Variants in ANAPC10 observed in about 807,000 individuals in gnomAD.
ANAPC10 encodes anaphase promoting complex subunit 10.
A neutral mutation model predicts 22.0 loss-of-function variants in ANAPC10; 12 were observed. That is an observed-to-expected ratio of 0.55 (90% CI 0.35 to 0.88). The LOEUF (loss-of-function observed/expected upper bound fraction) is 0.88. Ranked by LOEUF, ANAPC10 falls within the 40% of genes least tolerant of loss-of-function variation. ANAPC10 has a pLI of 0.01. For missense variants in ANAPC10, 188 were observed against 220.9 expected, an observed-to-expected ratio of 0.85 and a Z score of 0.94; for synonymous variants, 65 against 69.5, an observed-to-expected ratio of 0.94 and a Z score of 0.32.
At chr4:145,097,457 T>C (rs999450834) in intron 1 of ANAPC10, 6 of 1,283,480 alleles carry the variant, frequency 4.7e-6, no homozygotes, top group Non-Finnish European at 6.1e-6. Flanking sequence ...AACATTGTTA[T>C]ATATGCTATT....
At chr4:145,075,021 C>G (rs1251299364) in intron 3 of ANAPC10, among the ~76,000 whole-genome samples, 1 of 152,006 alleles carries the variant, frequency 6.6e-6, no homozygotes, top group Admixed American at 6.6e-5. Context: ...TGGCTTCAAT[C>G]CCCTATTCTG....
chr4:145,096,160 T>C, intron 1 of ANAPC10, 49 bp from the exon 2 acceptor site: 1 of 1,576,444 alleles, frequency 6.3e-7, no homozygotes, highest in Non-Finnish European at 8.6e-7. Flanking sequence ...CTGGGCATCT[T>C]TCTACAAAAG....
intron 4 of ANAPC10, among the ~76,000 whole-genome samples, chr4:145,030,604 T>C (rs1045427377): frequency 2.0e-5 from 3 of 152,148 alleles, no homozygotes; most frequent in African/African-American, 7.2e-5. Context: ...CTGGGTCCAG[T>C]GGGTCCCCAG....
At chr4:145,073,598 A>G (rs1004244501) in intron 3 of ANAPC10, among the ~76,000 whole-genome samples, 2 of 152,148 alleles carry the variant, frequency 1.3e-5, no homozygotes, top group African/African-American at 4.8e-5. Flanking sequence ...AAAGTGCTTT[A>G]CATGACAATG....
chr4:145,002,064 C>A (rs1201411419), intron 4 of ANAPC10, among the ~76,000 whole-genome samples: 1 of 152,184 alleles, frequency 6.6e-6, no homozygotes, highest in Non-Finnish European at 1.5e-5. Context: ...TTTCTCCCTA[C>A]TCTCACTACT....
rs747417617 is a variant in ANAPC10, at chr4:145,064,674, CTTCACTG to C, written c.218_224del (p.Thr73ArgfsTer24). ...TGTAGTCTGCATAAATACATAATGT[CTTCACTG>C]TTGTTTTTCTTCTAAAAGCAATAAA... is the stretch of plus-strand genomic sequence containing the variant. On this transcript the variant is annotated frameshift_variant, in exon 4 of 5. Transcript: ENST00000507656. LOFTEE classifies it high-confidence loss of function. 6.5e-6 allele frequency: 10 copies of C among 1,543,082 alleles called. No individual in the cohort carries two copies. The highest frequency in any genetic ancestry group is 8.8e-6 in the Non-Finnish European group (10 of 1,142,008).
At chr4:145,093,302 A>C (rs1747972201) in intron 2 of ANAPC10, among the ~76,000 whole-genome samples, 1 of 152,238 alleles carries the variant, frequency 6.6e-6, no homozygotes, top group Non-Finnish European at 1.5e-5. Flanking sequence ...CCATAGCAAT[A>C]ACAAAACTCA....
chr4:144,994,811 A>G lies in ANAPC10; in HGVS notation c.*562T>C, dbSNP rs1181858218. On this transcript the variant is annotated 3_prime_UTR_variant, in exon 5 of 5. Coordinates refer to ENST00000507656, the MANE Select transcript of ANAPC10 (RefSeq NM_001256706.2). ...TAAGTATTCCGTGAAGGTGAATATG[A>G]GACAATTAATTATACTCCCCATATT... is the stretch of plus-strand genomic sequence containing the variant. 1 of 152,272 alleles carries G rather than the reference A, an allele frequency of 6.6e-6. No homozygotes were observed. Among genetic ancestry groups the G allele is most frequent in the African/African-American group, 2.4e-5 (1 of 41,452 alleles). The allele number at this position is 152,272 out of a possible 1,614,324, so 9.4% of individuals were successfully genotyped here.
chr4:145,016,806 AAAT>A (rs970322751), intron 4 of ANAPC10, among the ~76,000 whole-genome samples: 65 of 152,328 alleles, frequency 4.3e-4, no homozygotes, highest in African/African-American at 1.4e-3. Flanking sequence ...GAGCCCTCAG[AAAT>A]AATACCACAC....
intron 4 of ANAPC10, among the ~76,000 whole-genome samples, chr4:145,000,818 G>A (rs1204998588): frequency 6.6e-6 from 1 of 152,112 alleles, no homozygotes; most frequent in Non-Finnish European, 1.5e-5. Context: ...TGATAGACTG[G>A]ATTAAGAAAA....
chr4:145,046,315 T>A lies in ANAPC10; in HGVS notation c.327+18257A>T, dbSNP rs146423881. Among the ~76,000 whole-genome samples, 10 of 152,236 alleles carry A rather than the reference T, an allele frequency of 6.6e-5. No homozygotes were observed. The East Asian group carries it at 1.7e-3, about 26-fold the overall frequency. ...TAAATTTGTTCCTGTAAATATTGTATTTCTTTTTAAAAATACATCCTGCAT... is the reference window on the plus strand; with the variant it reads ...TAAATTTGTTCCTGTAAATATTGTAATTCTTTTTAAAAATACATCCTGCAT... On this transcript the variant is annotated intron_variant, in intron 4 of 4. Coordinates refer to ENST00000507656, the MANE Select transcript of ANAPC10 (RefSeq NM_001256706.2).
chr4:145,047,569 ATCT>A (rs1740501428), intron 4 of ANAPC10, among the ~76,000 whole-genome samples: 1 of 151,946 alleles, frequency 6.6e-6, no homozygotes, highest in Non-Finnish European at 1.5e-5. Flanking sequence ...CACAAGGCAA[ATCT>A]TCATTCAAAA....
chr4:145,038,510 C>G (rs972764806), intron 4 of ANAPC10, among the ~76,000 whole-genome samples: 6 of 151,640 alleles, frequency 4.0e-5, no homozygotes, highest in African/African-American at 1.5e-4. Flanking sequence ...GAGACTCCGT[C>G]TCAAAGAAAA....
chr4:145,044,951 G>A (rs1439895659), intron 4 of ANAPC10, among the ~76,000 whole-genome samples: 2 of 151,718 alleles, frequency 1.3e-5, no homozygotes, highest in Non-Finnish European at 2.9e-5. Flanking sequence ...TCATTTTATA[G>A]AAGTTCACTA....
chr4:145,026,776 AAAAC>A (rs1296628487), intron 4 of ANAPC10, among the ~76,000 whole-genome samples: 1 of 151,010 alleles, frequency 6.6e-6, no homozygotes, highest in African/African-American at 2.4e-5. Flanking sequence ...TTAAAAAACA[AAAAC>A]AAAGCATCAT....
At chr4:145,076,242 G>T (rs1459729298) in intron 3 of ANAPC10, among the ~76,000 whole-genome samples, 1 of 152,194 alleles carries the variant, frequency 6.6e-6, no homozygotes, top group East Asian at 1.9e-4. Context: ...CTCCAGTACA[G>T]CAGTTGCTTA....
chr4:144,995,111 CT>C lies in ANAPC10; in HGVS notation c.*261del, dbSNP rs1302085583. On this transcript the variant is annotated 3_prime_UTR_variant, in exon 5 of 5. Transcript: ENST00000507656. Reference sequence around the variant, plus strand: ...CTCTTTTCTTTTGATACAAGGAACTCTTTTCTTTTGATACAAGGGAAAATAA... The same window carrying C: ...CTCTTTTCTTTTGATACAAGGAACTCTTTCTTTTGATACAAGGGAAAATAA... 1.6e-5 allele frequency: 4 copies of C among 245,078 alleles called. No individual in the cohort carries two copies. The highest frequency in any genetic ancestry group is 3.1e-5 in the Non-Finnish European group (4 of 128,132). 15.2% of individuals were successfully genotyped at this position (245,078 alleles called of 1,614,324 possible).
chr4:145,045,722 T>C (rs1331793404), intron 4 of ANAPC10, among the ~76,000 whole-genome samples: 2 of 152,062 alleles, frequency 1.3e-5, no homozygotes, highest in Non-Finnish European at 2.9e-5. Flanking sequence ...CATACACACA[T>C]ACTCATCTAA....
chr4:145,047,642 A>G (rs987753109), intron 4 of ANAPC10, among the ~76,000 whole-genome samples: 1 of 151,988 alleles, frequency 6.6e-6, no homozygotes, highest in African/African-American at 2.4e-5. Context: ...CTCAGAGACA[A>G]TTCCCTCTCA....
Sources: allele counts gnomAD v4.1 joint callset (sites outside exome capture counted in the v4.1 genomes callset), GRCh38; gene constraint gnomAD v4.1.1; transcripts MANE v1.5; gene names NCBI Gene and HGNC (gene_info 2026-07-23, HGNC 2026-07-21).